Variants in HAP1 observed in about 807,000 individuals in gnomAD.
HAP1 encodes huntingtin-associated protein 1.
In HAP1, 59 loss-of-function variants were observed where a neutral mutation model predicts 60.3. That is an observed-to-expected ratio of 0.98 (90% CI 0.79 to 1.22). HAP1 has a LOEUF of 1.22. Ranked by LOEUF, HAP1 falls within the 50% of genes most tolerant of loss-of-function variation. The probability of loss-of-function intolerance (pLI) is 0.00; values close to 1 mark genes in which losing one functional copy is unlikely to be tolerated. For missense variants in HAP1, 825 were observed against 785.3 expected (o/e 1.05, Z -0.60); for synonymous variants, 346 against 330.6 (o/e 1.05, Z -0.50).
rs782776283 is a variant in HAP1 at position 41,725,079 on chromosome 17, C to A, written c.1482G>T (p.Ala494=). 1.9e-6 allele frequency: 3 copies of A among 1,613,588 alleles called. No individual in the cohort carries two copies. Among genetic ancestry groups the A allele is most frequent in the Middle Eastern group, 1.7e-4 (1 of 6,060 alleles). ...TGAAATCTTCCCCCCGCATGATATC[C>A]GCTGCCAGCATCAACCCTTCCTCAG... ...FEAEEGLMLA[A]DIMRGEDFTP... is the part of the protein sequence containing the mutation. Residue 494 remains alanine (A), a synonymous_variant, in exon 11 of 11, where the codon GCG becomes GCT. Transcript: ENST00000347901.
At position 41,725,866 on chromosome 17, in the gene HAP1, T is replaced by C. The variant is rs782804634; in HGVS notation, c.1399A>G (p.Ser467Gly). 6.8e-6 allele frequency: 11 copies of C among 1,612,996 alleles called. 1 individual carries two copies. In the Middle Eastern group the frequency reaches 1.3e-3, roughly 194 times the overall value. ...NYEMPRGDTS[S>G]LRYDFRYSED... is the part of the protein sequence containing the mutation. The stretch of plus-strand genomic sequence containing the variant: ...AGCCCCTGGCAGGCTTACCTTAGGC[T>C]GGATGTGTCCCCTCTGGGCATCTCA... Residue 467 changes from serine to glycine, a missense_variant, in exon 10 of 11, where the codon AGC becomes GGC. Physicochemically the swap from Ser to Gly is moderately conservative, Grantham distance 56 (BLOSUM62 0). Coordinates refer to ENST00000347901, the MANE Select transcript of HAP1 (RefSeq NM_177977.3).
At chr17:41,718,843 A>G (rs1467732266), downstream of HAP1, among the ~76,000 whole-genome samples, 2 of 152,238 alleles carry the variant, frequency 1.3e-5, no homozygotes, top group Non-Finnish European at 2.9e-5. Flanking sequence ...GAGAAAGTCT[A>G]TGAGGAGCAA....
chr17:41,725,099 C>T lies in HAP1; in HGVS notation c.1462G>A (p.Glu488Lys), dbSNP rs112661585. 67 of 1,612,682 alleles carry T rather than the reference C, an allele frequency of 4.2e-5. 3 individuals are homozygous for T. The highest frequency in any genetic ancestry group is 2.1e-4 in the African/African-American group (16 of 75,040). ...ATATCCGCTGCCAGCATCAACCCTT[C>T]CTCAGCCTCAAACCCCCGCACCTGC... ...REQVRGFEAE[E>K]GLMLAADIMR... The change falls in exon 11 of 11, where the codon GAA (glutamate) becomes AAA (lysine). Residue 488 changes from glutamate to lysine, a missense_variant. Physicochemically the swap from Glu to Lys is moderately conservative, Grantham distance 56 (BLOSUM62 1). Coordinates refer to ENST00000347901, the MANE Select transcript of HAP1 (RefSeq NM_177977.3).
In HAP1 at chr17:41,727,099, T is replaced by C; in HGVS notation, c.1321A>G (p.Thr441Ala). ...FQETLAEELR[T>A]SLRRMISDPV... Reference sequence around the variant, plus strand: ...TCTGAGATCATCCTCCTTAGAGACGTTCTGAGCTCCTCAGCCAGCGTCTCC... The same window carrying C: ...TCTGAGATCATCCTCCTTAGAGACGCTCTGAGCTCCTCAGCCAGCGTCTCC... The change falls in exon 9 of 11, where the codon ACG becomes GCG. Residue 441 changes from threonine (T) to alanine (A), a missense_variant. By Grantham distance (58) the Thr-to-Ala change is moderately conservative (BLOSUM62 0). Transcript: ENST00000347901. 2 of 1,594,792 alleles carry C rather than the reference T, an allele frequency of 1.3e-6. No homozygotes were observed. Among genetic ancestry groups the C allele is most frequent in the Non-Finnish European group, 8.6e-7 (1 of 1,167,034 alleles).
At position 41,732,136 on chromosome 17, in the gene HAP1, G is replaced by A. The variant is rs782569164; in HGVS notation, c.715-18C>T. Reference sequence around the variant, plus strand: ...TATAAAATCTGGCAGGAAGAGAGAGGAGCCATGGGTTGGGAGTGGGCAGGG... The same window carrying A: ...TATAAAATCTGGCAGGAAGAGAGAGAAGCCATGGGTTGGGAGTGGGCAGGG... On this transcript the variant is annotated intron_variant, in intron 3 of 10. Coordinates refer to ENST00000347901, the MANE Select transcript of HAP1 (RefSeq NM_177977.3). The A allele has an allele frequency of 6.2e-6, 10 of 1,613,338 alleles. No individual in the cohort carries two copies. In the South Asian group the frequency reaches 6.6e-5, roughly 11 times the overall value.
rs1181799667 is a variant in HAP1, at chr17:41,723,284, G to A, written c.*1417C>T. 1 of 152,590 alleles carries A rather than the reference G, an allele frequency of 6.6e-6. No homozygotes were observed. Among genetic ancestry groups the A allele is most frequent in the Non-Finnish European group, 1.5e-5 (1 of 68,098 alleles). The allele number at this position is 152,590 out of a possible 1,614,324, so 9.5% of individuals were successfully genotyped here. On this transcript the variant is annotated 3_prime_UTR_variant, in exon 11 of 11. Coordinates refer to ENST00000347901, the MANE Select transcript of HAP1 (RefSeq NM_177977.3). ...GCGAGGGCCGGGGTTCCTACCGCCT[G>A]TCCCTGAAGACGTTGGAAAAGCCTC...
intron 8 of HAP1, chr17:41,727,506 G>A (rs1053125885): frequency 2.6e-6 from 2 of 758,582 alleles, no homozygotes; most frequent in Admixed American, 3.4e-5. Context: ...CTGCTCTCAG[G>A]CTGAGGCCAG....
chr17:41,733,025 T>TG (rs67455284), intron 1 of HAP1, among the ~76,000 whole-genome samples: 96,615 of 126,816 alleles, frequency 0.76, 37,618 homozygotes, highest in East Asian at 0.89. Context: ...TTTAGGTTTT[T>TG]GGGTTTTTTT....
At chr17:41,722,283 T>TTA (rs1555587272), downstream of HAP1, 2 of 152,350 alleles carry the variant, frequency 1.3e-5, no homozygotes, top group African/African-American at 4.8e-5. Flanking sequence ...AGGTCTGCTC[T>TTA]GGGGACTTCA....
rs1375315864 is a variant in HAP1 at position 41,732,862 on chromosome 17, C to T, written c.470-64G>A. The T allele has an allele frequency of 8.9e-6, 8 of 899,440 alleles. No homozygotes were observed. In the Admixed American group the frequency reaches 1.2e-4, roughly 13 times the overall value. 55.7% of individuals were successfully genotyped at this position (899,440 alleles called of 1,614,324 possible). ...GGTCAGGAAAAAGGAGCAGATGCTA[C>T]CAGCAAACAGCTGTTTCCCGTCCTA... On this transcript the variant is annotated intron_variant, in intron 1 of 10. Coordinates refer to ENST00000347901, the MANE Select transcript of HAP1 (RefSeq NM_177977.3).
chr17:41,732,876 T>C, intron 1 of HAP1, 78 bp from the exon 2 acceptor site: 2 of 840,294 alleles, frequency 2.4e-6, no homozygotes, highest in Non-Finnish European at 4.2e-6. Flanking sequence ...CAAACAGCTG[T>C]TTCCCGTCCT....
Position 41,731,639 on chromosome 17 carries a change from T to G in HAP1, c.1001A>C (p.Glu334Ala). 1 of 1,612,992 alleles carries G rather than the reference T, an allele frequency of 6.2e-7. No homozygotes were observed. Among genetic ancestry groups the G allele is most frequent in the Non-Finnish European group, 8.5e-7 (1 of 1,179,000 alleles). ...LEEENHQLREEASQLDTLEDE... is the reference protein window; with the variant it reads ...LEEENHQLREAASQLDTLEDE... ...GACGCCCTCCTCCCCCATTCTCACC[T>G]CTTCTCTCAGCTGATGATTCTCCTC... is the stretch of plus-strand genomic sequence containing the variant. Residue 334 changes from glutamate (E) to alanine (A), a missense_variant and splice_region_variant, in exon 5 of 11, where the codon GAG (glutamate) becomes GCG (alanine). Glu to Ala is a moderately radical substitution (Grantham distance 107). Coordinates refer to ENST00000347901, the MANE Select transcript of HAP1 (RefSeq NM_177977.3).
rs782245128 is a variant in HAP1 at position 41,732,224 on chromosome 17, G to A, written c.714+6C>T. 18 of 1,613,786 alleles carry A rather than the reference G, an allele frequency of 1.1e-5. No homozygotes were observed. In the Admixed American group the frequency reaches 1.7e-4, roughly 15 times the overall value. On this transcript the variant is annotated splice_donor_region_variant and intron_variant, in intron 3 of 10. Transcript: ENST00000347901. The stretch of plus-strand genomic sequence containing the variant: ...GCCCGCTATCCTCTCCTCCCCACCC[G>A]GTTACCTCCTCCTTGGCTGAGCCCA...
intron 4 of HAP1, 33 bp downstream of exon 4, chr17:41,731,904 A>C: frequency 1.2e-6 from 1 of 825,260 alleles, no homozygotes; most frequent in Non-Finnish European, 2.1e-6. Context: ...AGGCTCAGAG[A>C]AAGGACTTGC....
Position 41,734,367 on chromosome 17 carries a change from G to A in HAP1, c.268C>T (p.Gln90Ter). 9.3e-6 allele frequency: 15 copies of A among 1,607,170 alleles called. No individual in the cohort carries two copies. The highest frequency in any genetic ancestry group is 1.2e-5 in the Non-Finnish European group (14 of 1,175,472). ...TCGGGCATAGACCGGACATCCCCTT[G>A]GATGGCCGAGAATGCGGACGGGCGC... The part of the protein sequence containing the change: ...ARRPSAFSAI[Q>*]GDVRSMPDNS... The change falls in exon 1 of 11, where the codon CAA (glutamine) becomes TAA (stop). Residue 90 changes from glutamine to a stop codon, truncating the protein, a stop_gained. Coordinates refer to ENST00000347901, the MANE Select transcript of HAP1 (RefSeq NM_177977.3). LOFTEE classifies it high-confidence loss of function.
chr17:41,725,396 G>A (rs781855711), intron 10 of HAP1, among the ~76,000 whole-genome samples: 13 of 152,098 alleles, frequency 8.5e-5, no homozygotes, highest in African/African-American at 1.9e-4. Flanking sequence ...GACCCTGCAC[G>A]GAATACACCA....
At chr17:41,727,938 C>A (rs1911810027) in intron 7 of HAP1, 102 bp from the exon 8 acceptor site, 2 of 772,568 alleles carry the variant, frequency 2.6e-6, no homozygotes. Flanking sequence ...GAGTCCTTGG[C>A]AGCCCATGAA....
chr17:41,727,450 C>T (rs782107429), intron 8 of HAP1: 9 of 778,382 alleles, frequency 1.2e-5, no homozygotes, highest in Admixed American at 1.7e-5. Context: ...CCCACCCACA[C>T]GCTCTGCTGG....
chr17:41,732,655 A>T, intron 2 of HAP1, 64 bp downstream of exon 2: 1 of 1,347,880 alleles, frequency 7.4e-7, no homozygotes, highest in Non-Finnish European at 1.1e-6. Flanking sequence ...AATAAACAAG[A>T]CCCCCACCCC....
Sources: allele counts gnomAD v4.1 joint callset (sites outside exome capture counted in the v4.1 genomes callset), GRCh38; gene constraint gnomAD v4.1.1; transcripts MANE v1.5; gene names NCBI Gene and HGNC (gene_info 2026-07-23, HGNC 2026-07-21).